Variants in LOC730098 observed in about 807,000 individuals in gnomAD.
chr9:34,665,231 C>G, the LOC730098 span: 3 of 680,096 alleles, frequency 4.4e-6, no homozygotes, highest in Non-Finnish European at 8.0e-6. Context: ...GGGGCGGGAG[C>G]TACCGGATTC....
the LOC730098 span, chr9:34,664,933 A>G: frequency 2.1e-6 from 1 of 472,290 alleles, no homozygotes; most frequent in Non-Finnish European, 3.7e-6. Flanking sequence ...CCAGGGAGGG[A>G]CGCCCTGTCA....
the LOC730098 span, chr9:34,665,148 G>T: frequency 1.6e-6 from 1 of 621,588 alleles, no homozygotes. Flanking sequence ...AGCTCATCAG[G>T]CCTCGCAGAG....
the LOC730098 span, chr9:34,664,713 T>G: frequency 3.8e-6 from 1 of 259,886 alleles, no homozygotes; most frequent in Admixed American, 5.4e-5. Context: ...GCTTAAAATG[T>G]TTTAGATATA....
the LOC730098 span, chr9:34,665,946 C>T: frequency 1.9e-6 from 1 of 519,062 alleles, no homozygotes; most frequent in Non-Finnish European, 3.4e-6. Context: ...GATTTGGGGC[C>T]CTGGGTGAGG....
the LOC730098 span, chr9:34,664,719 A>T: frequency 2.8e-5 from 8 of 281,916 alleles, no homozygotes; most frequent in Non-Finnish European, 4.6e-5. Flanking sequence ...AATGTTTTAG[A>T]TATACTCCCA....
the LOC730098 span, chr9:34,665,302 C>CA: frequency 1.4e-6 from 1 of 702,296 alleles, no homozygotes; most frequent in East Asian, 2.7e-5. Flanking sequence ...CGCGGTATCG[C>CA]AGCCTCCTCA....
the LOC730098 span, chr9:34,665,962 C>T: frequency 2.4e-5 from 12 of 490,838 alleles, no homozygotes; most frequent in African/African-American, 2.2e-4. Flanking sequence ...TGAGGATTTT[C>T]AGGGGCTGGG....
the LOC730098 span, chr9:34,665,020 C>A: frequency 1.7e-6 from 1 of 590,214 alleles, no homozygotes; most frequent in Non-Finnish European, 3.0e-6. Flanking sequence ...GAGGTCAGTA[C>A]GGTGGGCTTC....
chr9:34,665,460 C>T, the LOC730098 span: 10 of 687,426 alleles, frequency 1.5e-5, no homozygotes, highest in Non-Finnish European at 2.1e-5. Context: ...GCCTCGCCGT[C>T]GAGGAAGGCT....
the LOC730098 span, chr9:34,665,858 G>A: frequency 1.7e-6 from 1 of 599,156 alleles, no homozygotes; most frequent in South Asian, 2.0e-5. Flanking sequence ...AAGTTAAGGG[G>A]TGAGGAGGCC....
At chr9:34,664,418 T>C in the LOC730098 span, 1 of 152,272 alleles carries the variant, frequency 6.6e-6, no homozygotes, top group Admixed American at 6.5e-5. Flanking sequence ...CAGGCCCACA[T>C]AGCAGTCCCT....
the LOC730098 span, chr9:34,665,634 A>G: frequency 1.5e-6 from 1 of 687,082 alleles, no homozygotes; most frequent in African/African-American, 1.8e-5. Flanking sequence ...CTCCAGCGCC[A>G]CCTCGTATCT....
the LOC730098 span, chr9:34,665,532 A>ACC: frequency 1.0e-4 from 24 of 232,928 alleles, no homozygotes; most frequent in Middle Eastern, 1.2e-3. Flanking sequence ...CGCCCTGCCC[A>ACC]CCCCTCGCCC....
the LOC730098 span, chr9:34,665,400 G>A: frequency 1.4e-6 from 1 of 699,864 alleles, no homozygotes; most frequent in South Asian, 1.5e-5. Flanking sequence ...GAGCCGGGCG[G>A]GGCGGGGCGG....
chr9:34,665,168 T>C, the LOC730098 span: 1 of 632,270 alleles, frequency 1.6e-6, no homozygotes, highest in Non-Finnish European at 2.8e-6. Context: ...GGCTCCAGCT[T>C]CTGCTCCCCG....
At chr9:34,664,474 GA>G in the LOC730098 span, 1 of 152,558 alleles carries the variant, frequency 6.6e-6, no homozygotes, top group African/African-American at 2.4e-5. Context: ...CTGATTGGGT[GA>G]CAGAAGGGGG....
chr9:34,665,958 T>C, the LOC730098 span: 1 of 491,980 alleles, frequency 2.0e-6, no homozygotes, highest in South Asian at 2.4e-5. Flanking sequence ...TGGGTGAGGA[T>C]TTTCAGGGGC....
At chr9:34,665,751 G>C in the LOC730098 span, 1 of 692,360 alleles carries the variant, frequency 1.4e-6, no homozygotes, top group Admixed American at 2.0e-5. Flanking sequence ...CTCAGGACGA[G>C]GCTGCCCAGT....
At chr9:34,665,371 A>G in the LOC730098 span, 2 of 644,170 alleles carry the variant, frequency 3.1e-6, no homozygotes, top group East Asian at 3.2e-5. Flanking sequence ...GCCCCAGTAG[A>G]TCCTGCAGAG....
Sources: gnomAD v4.1 joint callset for allele counts on GRCh38, gnomAD v4.1.1 for gene constraint, MANE v1.5 for transcripts.